The following KCNAB1 variants were observed in gnomAD, a reference collection of about 807,000 sequenced individuals.
KCNAB1 encodes potassium voltage-gated channel subfamily A regulatory beta subunit 1, also known as voltage-gated potassium channel subunit beta-1.
In KCNAB1, 35 loss-of-function variants were observed where a neutral mutation model predicts 64.6. The ratio of observed to expected loss-of-function variants is 0.54; its 90% CI spans 0.41 to 0.72. The LOEUF (loss-of-function observed/expected upper bound fraction) is 0.72. Among genes scored for constraint, KCNAB1 ranks in the 30% least tolerant of loss-of-function variants. The pLI is 0.00. For synonymous variants in KCNAB1, 177 were observed against 183.8 expected, an observed-to-expected ratio of 0.96 and a Z score of 0.30; for missense variants, 401 against 512.9, an observed-to-expected ratio of 0.78 and a Z score of 2.11.
intron 8 of KCNAB1, among the ~76,000 whole-genome samples, chr3:156,488,655 C>T (rs1715392951): frequency 6.6e-6 from 1 of 152,012 alleles, no homozygotes; most frequent in Non-Finnish European, 1.5e-5. Flanking sequence ...ATACCTCCTC[C>T]TTGGATTGAG....
At chr3:156,422,362 G>A (rs920329742) in intron 2 of KCNAB1, among the ~76,000 whole-genome samples, 8 of 152,176 alleles carry the variant, frequency 5.3e-5, no homozygotes, top group African/African-American at 1.9e-4. Context: ...GCTGTTCTGT[G>A]ACCTAAGTCT....
At chr3:156,367,428 G>C (rs1042545572) in intron 1 of KCNAB1, among the ~76,000 whole-genome samples, 7 of 151,600 alleles carry the variant, frequency 4.6e-5, no homozygotes, top group African/African-American at 1.7e-4. Context: ...TGATCTACCC[G>C]CCTCGGCCTC....
At chr3:156,341,522 C>G (rs1364934245) in intron 1 of KCNAB1, among the ~76,000 whole-genome samples, 1 of 152,178 alleles carries the variant, frequency 6.6e-6, no homozygotes, top group Admixed American at 6.5e-5. Context: ...TACTGTTGTT[C>G]TCAGAGCCCA....
At chr3:156,201,487 T>G (rs1341086396) in intron 1 of KCNAB1, among the ~76,000 whole-genome samples, 4 of 152,128 alleles carry the variant, frequency 2.6e-5, no homozygotes, top group African/African-American at 9.7e-5. Context: ...AGTTCATAGT[T>G]TAGGGTGAGT....
chr3:156,207,787 A>G lies in KCNAB1; in HGVS notation c.275+86901A>G, dbSNP rs6768752. On this transcript the variant is annotated intron_variant, in intron 1 of 13. Transcript: ENST00000490337. ...GCACAACCTCAGGGGTGTCATTCAC[A>G]GGATAATTCAGGCTAACTTTAGGAA... Among the ~76,000 whole-genome samples, 422 of 152,338 alleles carry G rather than the reference A, an allele frequency of 2.8e-3. 3 individuals are homozygous for G. The highest frequency in any genetic ancestry group is 9.4e-3 in the African/African-American group (390 of 41,582).
chr3:156,369,095 T>C (rs182505591), intron 1 of KCNAB1, among the ~76,000 whole-genome samples: 1 of 152,312 alleles, frequency 6.6e-6, no homozygotes. Context: ...GATTTTCTCA[T>C]ATCTGTTCCC....
rs149334263 is a variant in KCNAB1 at position 156,178,033 on chromosome 3, G to A, written c.275+57147G>A. 1.4e-3 allele frequency among the ~76,000 whole-genome samples: 219 copies of A among 152,222 alleles called. No individual in the cohort carries two copies. In the South Asian group the frequency reaches 0.017, roughly 12 times the overall value. On this transcript the variant is annotated intron_variant, in intron 1 of 13. Coordinates refer to ENST00000490337, the MANE Select transcript of KCNAB1 (RefSeq NM_172160.3). ...TTACAGGTGTGAGCCACCGCACCCC[G>A]CCCATATCCAAATTTTACATACAAT... is the stretch of plus-strand genomic sequence containing the variant.
intron 1 of KCNAB1, among the ~76,000 whole-genome samples, chr3:156,313,661 G>A (rs767377594): frequency 2.0e-5 from 3 of 152,230 alleles, no homozygotes; most frequent in South Asian, 2.1e-4. Flanking sequence ...AATCAACCCC[G>A]TCTGCATCTT....
chr3:156,423,374 A>G (rs778688781), intron 2 of KCNAB1, among the ~76,000 whole-genome samples: 14 of 152,218 alleles, frequency 9.2e-5, no homozygotes, highest in South Asian at 4.1e-4. Context: ...AGCAGAGTAC[A>G]TGGGCTTTGA....
At chr3:156,293,234 G>A (rs1419085816) in intron 1 of KCNAB1, among the ~76,000 whole-genome samples, 1 of 152,160 alleles carries the variant, frequency 6.6e-6, no homozygotes, top group African/African-American at 2.4e-5. Context: ...TAAAACTACT[G>A]TGCTTCTAGT....
At chr3:156,290,901 G>T in intron 1 of KCNAB1, 1 of 917,754 alleles carries the variant, frequency 1.1e-6, no homozygotes. Context: ...GAAATAACTT[G>T]CAGAGAGAAA....
chr3:156,526,327 T>G (rs1718308473), intron 12 of KCNAB1, among the ~76,000 whole-genome samples: 1 of 152,224 alleles, frequency 6.6e-6, no homozygotes, highest in Admixed American at 6.5e-5. Context: ...GATGCATAAC[T>G]GTATCTTATT....
At chr3:156,344,127 A>C (rs2108072036) in intron 1 of KCNAB1, among the ~76,000 whole-genome samples, 1 of 152,058 alleles carries the variant, frequency 6.6e-6, no homozygotes, top group Non-Finnish European at 1.5e-5. Context: ...CCACCCCCAC[A>C]ATGTCTTTTT....
rs570958522 is a variant in KCNAB1, at chr3:156,122,991, G to A, written c.275+2105G>A. On this transcript the variant is annotated intron_variant, in intron 1 of 13. Coordinates refer to ENST00000490337, the MANE Select transcript of KCNAB1 (RefSeq NM_172160.3). ...TGGTGCAATCTCTTCCAAATTTAAT[G>A]TTAGCGATAGAATGTACGATCCCCC... Among the ~76,000 whole-genome samples the A allele has an allele frequency of 2.0e-5, 3 of 152,232 alleles. No homozygotes were observed. The South Asian group carries it at 6.2e-4, about 32-fold the overall frequency.
chr3:156,516,006 G>A (rs1274860210), intron 10 of KCNAB1, among the ~76,000 whole-genome samples: 5 of 152,118 alleles, frequency 3.3e-5, no homozygotes, highest in South Asian at 2.1e-4. Context: ...ACAAAACTTC[G>A]TGGATGAGCC....
chr3:156,524,626 A>G lies in KCNAB1; in HGVS notation c.1081+679A>G, dbSNP rs574777990. 2.4e-4 allele frequency among the ~76,000 whole-genome samples: 37 copies of G among 152,008 alleles called. No homozygotes were observed. In the South Asian group the frequency reaches 7.3e-3, roughly 30 times the overall value. ...GCCGGGCGTGGTGGTGGGTGCCTGT[A>G]GTCCCAGCTACTTGGGAGGCTGAGG... is the stretch of plus-strand genomic sequence containing the variant. On this transcript the variant is annotated intron_variant, in intron 12 of 13. Transcript: ENST00000490337.
chr3:156,528,187 A>G (rs201134620), intron 12 of KCNAB1, among the ~76,000 whole-genome samples: 29 of 151,150 alleles, frequency 1.9e-4, no homozygotes, highest in Admixed American at 1.4e-3. Flanking sequence ...AAAAAAAAAA[A>G]AGAGAGAGAA....
chr3:156,237,071 T>C (rs1716895311), intron 1 of KCNAB1, among the ~76,000 whole-genome samples: 1 of 152,204 alleles, frequency 6.6e-6, no homozygotes, highest in East Asian at 1.9e-4. Context: ...TGTAGACAAC[T>C]GTTTGTCCTC....
At chr3:156,296,873 C>T (rs1443122388) in intron 1 of KCNAB1, among the ~76,000 whole-genome samples, 2 of 152,154 alleles carry the variant, frequency 1.3e-5, no homozygotes, top group African/African-American at 4.8e-5. Context: ...AGGGAATTTC[C>T]ATATGCCCTT....
Sources: gnomAD v4.1 joint callset for allele counts (sites outside exome capture counted in the v4.1 genomes callset) on GRCh38, gnomAD v4.1.1 for gene constraint, MANE v1.5 for transcripts, NCBI Gene and HGNC (gene_info 2026-07-23, HGNC 2026-07-21) for gene names.